Variants in STXBP5 observed in about 807,000 individuals in gnomAD.
STXBP5 encodes the protein syntaxin-binding protein 5.
Under a neutral mutation model 152.4 loss-of-function variants are expected in STXBP5, and 50 were observed. The ratio of observed to expected loss-of-function variants is 0.33; its 90% CI spans 0.26 to 0.42. The LOEUF (loss-of-function observed/expected upper bound fraction) is 0.42. STXBP5 is among the 10% of genes least tolerant of loss of function. The probability of loss-of-function intolerance (pLI) is 1.00; values close to 1 mark genes in which losing one functional copy is unlikely to be tolerated. For synonymous variants in STXBP5, 492 were observed against 494.7 expected, an observed-to-expected ratio of 0.99 and a Z score of 0.07; for missense variants, 1,167 against 1,388.6, an observed-to-expected ratio of 0.84 and a Z score of 2.54.
At position 147,385,958 on chromosome 6, in the gene STXBP5, T is replaced by TTA. The variant is rs1045983499; in HGVS notation, c.*1204_*1205insAT. 1.3e-5 allele frequency: 2 copies of TTA among 152,086 alleles called. No homozygotes were observed. The highest frequency in any genetic ancestry group is 4.8e-5 in the African/African-American group (2 of 41,440). 9.4% of individuals were successfully genotyped at this position (152,086 alleles called of 1,614,324 possible). A position where few individuals can be genotyped will look rare whatever the true frequency, so the allele number is the denominator to read the frequency against. On this transcript the variant is annotated 3_prime_UTR_variant, in exon 28 of 28. Coordinates refer to ENST00000321680, the MANE Select transcript of STXBP5 (RefSeq NM_001127715.4). ...TATACTATAAATCTGTACATATCCT[T>TTA]TCAAGGTTTTAAAAAACCAAAAAGA...
At chr6:147,213,477 T>TGTGTGTGTGTGTGTGTGCGCGCGCGC in intron 2 of STXBP5, among the ~76,000 whole-genome samples, 2 of 131,278 alleles carry the variant, frequency 1.5e-5, no homozygotes, top group African/African-American at 3.2e-5. Context: ...TGTGTGTGTG[T>TGTGTGTGTGTGTGTGTGCGCGCGCGC]GCGCGCGCAT....
chr6:147,338,302 G>A (rs1412433707), intron 19 of STXBP5, among the ~76,000 whole-genome samples: 2 of 152,020 alleles, frequency 1.3e-5, no homozygotes, highest in Non-Finnish European at 2.9e-5. Context: ...TAAGTGGTTA[G>A]CATCATATGA....
intron 21 of STXBP5, 51 bp downstream of exon 21, chr6:147,339,435 C>T: frequency 7.5e-7 from 1 of 1,332,482 alleles, no homozygotes; most frequent in Non-Finnish European, 9.9e-7. Context: ...ATATGCAGTG[C>T]TAACCCAACA....
chr6:147,252,212 C>G (rs1008612052), intron 4 of STXBP5, among the ~76,000 whole-genome samples: 1 of 152,054 alleles, frequency 6.6e-6, no homozygotes, highest in African/African-American at 2.4e-5. Context: ...GGGAACAAAA[C>G]TGGACAGAGA....
Position 147,278,209 on chromosome 6 carries a change from G to T in STXBP5, c.838+5G>T. 6.3e-7 allele frequency: 1 copy of T among 1,598,614 alleles called. No individual in the cohort carries two copies. Among genetic ancestry groups the T allele is most frequent in the South Asian group, 1.1e-5 (1 of 88,570 alleles). On this transcript the variant is annotated splice_donor_5th_base_variant and intron_variant, in intron 8 of 27. Transcript: ENST00000321680. ...TACAGACAATCACTCCACATGGTAA[G>T]AATGCATCAATTTTAAATACCACCT...
At chr6:147,226,134 AAAAC>A (rs575302411) in intron 2 of STXBP5, among the ~76,000 whole-genome samples, 31 of 152,052 alleles carry the variant, frequency 2.0e-4, no homozygotes, top group South Asian at 4.2e-4. Context: ...TGGCTCTACC[AAAAC>A]AAACAAACAA....
At chr6:147,215,661 C>T (rs985863485) in intron 2 of STXBP5, among the ~76,000 whole-genome samples, 12 of 152,254 alleles carry the variant, frequency 7.9e-5, no homozygotes, top group Middle Eastern at 3.4e-3. Flanking sequence ...GCATTATAGG[C>T]GTGAGCCACT....
At chr6:147,304,192 A>G (rs926771996) in intron 9 of STXBP5, among the ~76,000 whole-genome samples, 1 of 152,104 alleles carries the variant, frequency 6.6e-6, no homozygotes, top group African/African-American at 2.4e-5. Context: ...AGGAGAAAAA[A>G]ATGTTTTCGA....
chr6:147,319,366 G>A (rs1273925701), intron 16 of STXBP5, among the ~76,000 whole-genome samples: 13 of 151,944 alleles, frequency 8.6e-5, no homozygotes, highest in Admixed American at 7.9e-4. Context: ...GTCCAAAATT[G>A]TAGTATTAAA....
At chr6:147,277,055 C>T (rs1780477059) in intron 7 of STXBP5, among the ~76,000 whole-genome samples, 1 of 152,044 alleles carries the variant, frequency 6.6e-6, no homozygotes, top group Non-Finnish European at 1.5e-5. Flanking sequence ...CAGGGTATGA[C>T]TTCATCGTAA....
At chr6:147,289,840 ATATAC>A (rs1424261544) in intron 8 of STXBP5, among the ~76,000 whole-genome samples, 1 of 151,822 alleles carries the variant, frequency 6.6e-6, no homozygotes, top group Non-Finnish European at 1.5e-5. Context: ...CTTTACCCAG[ATATAC>A]TATATGCCAA....
chr6:147,322,113 G>C (rs544776310), intron 16 of STXBP5, among the ~76,000 whole-genome samples: 2 of 151,964 alleles, frequency 1.3e-5, no homozygotes, highest in African/African-American at 2.4e-5. Flanking sequence ...AGAATTTGTC[G>C]TGCACATTTA....
chr6:147,335,001 C>T (rs1186967078), intron 19 of STXBP5, among the ~76,000 whole-genome samples: 1 of 152,046 alleles, frequency 6.6e-6, no homozygotes, highest in Non-Finnish European at 1.5e-5. Context: ...TTTACTCCCT[C>T]ACATTTTAGT....
At chr6:147,320,578 TG>T (rs1212967248) in intron 16 of STXBP5, among the ~76,000 whole-genome samples, 41 of 132,418 alleles carry the variant, frequency 3.1e-4, no homozygotes, top group African/African-American at 9.4e-4. Context: ...TGTGTGTGTG[TG>T]TGTGTGTGTG....
At chr6:147,222,250 C>T (rs1037725639) in intron 2 of STXBP5, among the ~76,000 whole-genome samples, 9 of 152,214 alleles carry the variant, frequency 5.9e-5, no homozygotes, top group South Asian at 4.1e-4. Context: ...ACTGCCATTT[C>T]GAAGTCTGAT....
intron 9 of STXBP5, among the ~76,000 whole-genome samples, chr6:147,299,106 A>G (rs1289662913): frequency 6.6e-6 from 1 of 152,028 alleles, no homozygotes; most frequent in Non-Finnish European, 1.5e-5. Flanking sequence ...AAAAGTTAAA[A>G]TCAAACCTTT....
chr6:147,301,454 A>G (rs995491034), intron 9 of STXBP5, among the ~76,000 whole-genome samples: 2 of 152,060 alleles, frequency 1.3e-5, no homozygotes, highest in Non-Finnish European at 2.9e-5. Context: ...CTTTGAGTCT[A>G]TGGACTTTTA....
At chr6:147,342,227 C>T (rs1784125038) in intron 21 of STXBP5, among the ~76,000 whole-genome samples, 1 of 152,054 alleles carries the variant, frequency 6.6e-6, no homozygotes, top group Non-Finnish European at 1.5e-5. Context: ...ATCTTGGTAC[C>T]CATCACTCAA....
chr6:147,207,764 T>A (rs1776646947), intron 2 of STXBP5, among the ~76,000 whole-genome samples: 1 of 152,204 alleles, frequency 6.6e-6, no homozygotes, highest in Non-Finnish European at 1.5e-5. Flanking sequence ...CTTATTTTGC[T>A]TTTCTGTAAA....
Sources: gnomAD v4.1 joint callset for allele counts (sites outside exome capture counted in the v4.1 genomes callset) on GRCh38, gnomAD v4.1.1 for gene constraint, MANE v1.5 for transcripts, NCBI Gene and HGNC (gene_info 2026-07-23, HGNC 2026-07-21) for gene names.